LIMCH1: variants seen among roughly 807,000 people sequenced by gnomAD.
LIMCH1 encodes the protein LIM and calponin homology domains-containing protein 1.
In LIMCH1, 113 loss-of-function variants were observed where a neutral mutation model predicts 176.5. The ratio of observed to expected loss-of-function variants is 0.64; its 90% CI spans 0.55 to 0.75. The LOEUF (loss-of-function observed/expected upper bound fraction) is 0.75, where lower values mean the gene tolerates loss of function less well. Ranked by LOEUF, LIMCH1 falls within the 30% of genes least tolerant of loss-of-function variation. The probability of loss-of-function intolerance (pLI) is 0.00; values close to 1 mark genes in which losing one functional copy is unlikely to be tolerated. For synonymous variants in LIMCH1, 619 were observed against 645.9 expected (o/e 0.96, Z 0.63); for missense variants, 1,674 against 1,814.9 (o/e 0.92, Z 1.41).
Position 41,416,914 on chromosome 4 carries a change from G to C in LIMCH1, c.96+55978G>C, listed in dbSNP as rs566546650. On this transcript the variant is annotated intron_variant, in intron 1 of 26. Coordinates refer to the LIMCH1 transcript ENST00000313860. ...ACTTACAAATAGAACCAGTGTCTCC[G>C]GCAGCTGAGAGATGGTGGATCCCTG... 9.2e-5 allele frequency among the ~76,000 whole-genome samples: 14 copies of C among 152,198 alleles called. No homozygotes were observed. The South Asian group carries it at 2.7e-3, about 29-fold the overall frequency.
At chr4:41,515,818 G>GGCTCCC (rs1488400552) in intron 2 of LIMCH1, among the ~76,000 whole-genome samples, 2 of 152,180 alleles carry the variant, frequency 1.3e-5, no homozygotes, top group Non-Finnish European at 2.9e-5. Flanking sequence ...TCTTGCTAAA[G>GGCTCCC]AAGAGTTGGG....
At chr4:41,550,686 G>A (rs1273230501) in intron 1 of LIMCH1, among the ~76,000 whole-genome samples, 3 of 152,184 alleles carry the variant, frequency 2.0e-5, no homozygotes, top group Non-Finnish European at 4.4e-5. Flanking sequence ...CTTGATATGA[G>A]TGAGTGTATT....
At chr4:41,435,879 T>A (rs1407755978) in intron 1 of LIMCH1, among the ~76,000 whole-genome samples, 1 of 152,200 alleles carries the variant, frequency 6.6e-6, no homozygotes, top group African/African-American at 2.4e-5. Flanking sequence ...AGTCCTATAT[T>A]GTAGCAACTT....
chr4:41,463,561 A>G (rs1364491911), intron 1 of LIMCH1, among the ~76,000 whole-genome samples: 2 of 148,090 alleles, frequency 1.4e-5, no homozygotes, highest in African/African-American at 2.5e-5. Context: ...ACTTCTCCCA[A>G]TCCTTTTTTT....
At chr4:41,638,856 A>G (rs2093701462) in intron 13 of LIMCH1, 76 bp from the exon 14 acceptor site, 1 of 1,188,246 alleles carries the variant, frequency 8.4e-7, no homozygotes, top group Non-Finnish European at 1.3e-6. Flanking sequence ...TTTCACCGGC[A>G]GTTTCTATTT....
rs1164624955 is a variant in LIMCH1, at chr4:41,420,597, C to G, written c.96+59661C>G. On this transcript the variant is annotated intron_variant, in intron 1 of 26. Transcript: ENST00000313860. ...TGGACATAGGACTTCCCAATATGAA[C>G]CACGCCTTAGGTTGACTTAACCCGA... Among the ~76,000 whole-genome samples the G allele has an allele frequency of 2.6e-5, 4 of 152,146 alleles. No individual in the cohort carries two copies. In the East Asian group the frequency reaches 7.7e-4, roughly 29 times the overall value.
intron 1 of LIMCH1, among the ~76,000 whole-genome samples, chr4:41,387,974 G>T (rs1313385447): frequency 6.6e-6 from 1 of 152,100 alleles, no homozygotes; most frequent in East Asian, 1.9e-4. Flanking sequence ...GCCGGGTGTG[G>T]TGGTGCATGC....
At chr4:41,672,452 A>G (rs1179617727) in intron 22 of LIMCH1, among the ~76,000 whole-genome samples, 1 of 152,200 alleles carries the variant, frequency 6.6e-6, no homozygotes, top group African/African-American at 2.4e-5. Context: ...TTTTAAATGT[A>G]CCTCATTTTT....
intron 1 of LIMCH1, among the ~76,000 whole-genome samples, chr4:41,398,379 AAT>A (rs1365434345): frequency 6.6e-6 from 1 of 152,100 alleles, no homozygotes; most frequent in Non-Finnish European, 1.5e-5. Context: ...TGGGCTCATC[AAT>A]TTCCGTACTT....
chr4:41,500,637 T>G (rs956041894), intron 2 of LIMCH1, among the ~76,000 whole-genome samples: 1 of 152,238 alleles, frequency 6.6e-6, no homozygotes, highest in African/African-American at 2.4e-5. Flanking sequence ...TTTATCTTAG[T>G]GTTCACCTTT....
rs771336715 is a variant in LIMCH1 at position 41,598,904 on chromosome 4, C to A, written c.-240-16C>A. 25 of 1,502,694 alleles carry A rather than the reference C, an allele frequency of 1.7e-5. No individual in the cohort carries two copies. In the South Asian group the frequency reaches 2.9e-4, roughly 17 times the overall value. The allele number at this position is 1,502,694 out of a possible 1,614,324, so 93.1% of individuals were successfully genotyped here. ...TCTAAGATAATATAGACTTATATTT[C>A]TTTTTTTCCTTCTAGGACAATATTA... On this transcript the variant is annotated splice_polypyrimidine_tract_variant and intron_variant, in intron 1 of 31. Coordinates refer to ENST00000503057, the MANE Select transcript of LIMCH1 (RefSeq NM_001330672.2).
intron 18 of LIMCH1, among the ~76,000 whole-genome samples, chr4:41,658,141 G>T (rs886580799): frequency 2.0e-5 from 3 of 152,094 alleles, no homozygotes; most frequent in African/African-American, 7.2e-5. Context: ...TCGGTAAGTC[G>T]CTTAACCTCC....
chr4:41,359,968 T>C (rs936600154), upstream of LIMCH1, among the ~76,000 whole-genome samples: 2 of 152,016 alleles, frequency 1.3e-5, no homozygotes, highest in East Asian at 3.9e-4. Context: ...CCCTCTACAA[T>C]GTAGATACCT....
chr4:41,400,569 C>G (rs1313206389), intron 1 of LIMCH1, among the ~76,000 whole-genome samples: 1 of 152,064 alleles, frequency 6.6e-6, no homozygotes, highest in Non-Finnish European at 1.5e-5. Context: ...GAGAATGGAG[C>G]CCTAATGCAG....
chr4:41,467,160 C>T (rs6832727), intron 1 of LIMCH1, among the ~76,000 whole-genome samples: 4,112 of 29,572 alleles, frequency 0.14, 192 homozygotes, highest in African/African-American at 0.47. Context: ...TGTATATATA[C>T]ACACACACAC....
At position 41,680,006 on chromosome 4, in the gene LIMCH1, G is replaced by A. The variant is rs1363143826; in HGVS notation, c.3520G>A (p.Glu1174Lys). 1.2e-6 allele frequency: 2 copies of A among 1,605,716 alleles called. No homozygotes were observed. Among genetic ancestry groups the A allele is most frequent in the Non-Finnish European group, 1.7e-6 (2 of 1,175,220 alleles). Residue 1174 changes from glutamate to lysine, a missense_variant and splice_region_variant, in exon 24 of 32, where the codon GAG becomes AAG. Around this residue, in one of 3 missense-constraint regions of LIMCH1, gnomAD observed 1,015 missense variants for 1,102.5 expected, o/e 0.92. Transcript: ENST00000503057. The stretch of plus-strand genomic sequence containing the variant: ...ACAATCTATGGAAATTCCATAACAG[G>A]AGAGATACCAGAAGGAGCAGGACAA... Reference protein sequence around the residue: ...WQQEQERLLQERYQKEQDKLK... With the variant: ...WQQEQERLLQKRYQKEQDKLK...
intron 27 of LIMCH1, among the ~76,000 whole-genome samples, 180 bp downstream of exon 27, chr4:41,684,698 C>G (rs908443342): frequency 1.3e-5 from 2 of 152,070 alleles, no homozygotes; most frequent in Non-Finnish European, 2.9e-5. Flanking sequence ...TCTATAGGAA[C>G]TTGCTGGGGA....
chr4:41,624,232 C>T (rs368652686), intron 7 of LIMCH1, among the ~76,000 whole-genome samples: 3 of 152,202 alleles, frequency 2.0e-5, no homozygotes, highest in African/African-American at 4.8e-5. Flanking sequence ...GCACTCAGTG[C>T]TTGCTTTCTG....
chr4:41,663,027 A>G, intron 20 of LIMCH1, 43 bp downstream of exon 20: 2 of 1,576,026 alleles, frequency 1.3e-6, no homozygotes, highest in Middle Eastern at 1.7e-4. Context: ...CCACAAGTTA[A>G]CATGGCCCCA....
Sources: gnomAD v4.1 joint callset for allele counts (sites outside exome capture counted in the v4.1 genomes callset) on GRCh38, gnomAD v4.1.1 for gene constraint, gnomAD v4.1.1 regional missense constraint, MANE v1.5 for transcripts, NCBI Gene and HGNC (gene_info 2026-07-23, HGNC 2026-07-21) for gene names.